The following PTPRR variants were observed in gnomAD, a reference collection of about 807,000 sequenced individuals.
PTPRR encodes protein tyrosine phosphatase receptor type R.
Under a neutral mutation model 77.2 loss-of-function variants are expected in PTPRR, and 38 were observed. The observed-to-expected ratio is 0.49, with a 90% confidence interval of 0.38 to 0.65. PTPRR has a LOEUF of 0.65. PTPRR is among the 30% of genes least tolerant of loss of function. PTPRR has a pLI of 0.00. For synonymous variants in PTPRR, 299 were observed against 283.1 expected, an observed-to-expected ratio of 1.06 and a Z score of -0.57; for missense variants, 744 against 799.2, an observed-to-expected ratio of 0.93 and a Z score of 0.83.
chr12:70,843,720 A>C (rs933831781), intron 2 of PTPRR, among the ~76,000 whole-genome samples: 5 of 152,136 alleles, frequency 3.3e-5, no homozygotes, highest in African/African-American at 1.2e-4. Context: ...TAGAATGACT[A>C]ATATGATTAC....
intron 2 of PTPRR, among the ~76,000 whole-genome samples, chr12:70,827,488 AG>A (rs1892131241): frequency 6.6e-6 from 1 of 151,852 alleles, no homozygotes; most frequent in African/African-American, 2.4e-5. Context: ...GTCCTCACAC[AG>A]TGGAGGGGGT....
chr12:70,825,127 A>G (rs1892086823), intron 2 of PTPRR, among the ~76,000 whole-genome samples: 2 of 152,014 alleles, frequency 1.3e-5, no homozygotes, highest in Non-Finnish European at 2.9e-5. Context: ...TACTAAAAAT[A>G]CAAAAATTAG....
intron 13 of PTPRR, among the ~76,000 whole-genome samples, chr12:70,643,573 T>C (rs7970867): frequency 0.039 from 5,881 of 152,186 alleles, 397 homozygotes; most frequent in African/African-American, 0.13. Flanking sequence ...AATAAATGTA[T>C]AAAGCTTGGT....
At chr12:70,670,473 C>A in intron 10 of PTPRR, among the ~76,000 whole-genome samples, 1 of 152,128 alleles carries the variant, frequency 6.6e-6, no homozygotes, top group East Asian at 1.9e-4. Flanking sequence ...AATAGTAAAA[C>A]CTACTTTGTA....
At chr12:70,782,395 T>C (rs1156375615) in intron 2 of PTPRR, among the ~76,000 whole-genome samples, 1 of 152,170 alleles carries the variant, frequency 6.6e-6, no homozygotes, top group Non-Finnish European at 1.5e-5. Flanking sequence ...CACACGTATG[T>C]TTATTGTGGC....
intron 2 of PTPRR, among the ~76,000 whole-genome samples, chr12:70,824,547 C>T (rs1892076587): frequency 6.6e-6 from 1 of 152,190 alleles, no homozygotes; most frequent in Non-Finnish European, 1.5e-5. Flanking sequence ...ATCCCACCTA[C>T]ATTTCAGCCT....
intron 2 of PTPRR, among the ~76,000 whole-genome samples, chr12:70,884,472 A>G (rs1893202389): frequency 6.6e-6 from 1 of 152,232 alleles, no homozygotes; most frequent in South Asian, 2.1e-4. Flanking sequence ...GCAATTTTAG[A>G]GAGAACTGAA....
At chr12:70,647,603 C>G (rs1291347265) in intron 13 of PTPRR, among the ~76,000 whole-genome samples, 1 of 152,184 alleles carries the variant, frequency 6.6e-6, no homozygotes, top group Non-Finnish European at 1.5e-5. Flanking sequence ...GTTGGCTTAG[C>G]TTTATAGCAA....
intron 6 of PTPRR, among the ~76,000 whole-genome samples, chr12:70,713,829 T>C (rs534180544): frequency 6.5e-4 from 99 of 152,300 alleles, no homozygotes; most frequent in African/African-American, 2.3e-3. Flanking sequence ...TTCTATGAAT[T>C]GTCTTTTCAC....
chr12:70,864,868 G>C (rs1294081023), intron 2 of PTPRR, among the ~76,000 whole-genome samples: 1 of 152,172 alleles, frequency 6.6e-6, no homozygotes, highest in Non-Finnish European at 1.5e-5. Context: ...CTAGAGTACA[G>C]TGGTGGGATC....
intron 2 of PTPRR, among the ~76,000 whole-genome samples, chr12:70,833,837 T>A (rs550531623): frequency 6.6e-6 from 1 of 152,074 alleles, no homozygotes; most frequent in Non-Finnish European, 1.5e-5. Context: ...GAACTTCAAG[T>A]TTTTCTGGGC....
intron 6 of PTPRR, among the ~76,000 whole-genome samples, chr12:70,715,015 G>A (rs898712447): frequency 2.8e-5 from 4 of 141,442 alleles, no homozygotes; most frequent in Admixed American, 2.2e-4. Context: ...TATTGAGTAT[G>A]CCAAAATAAT....
intron 2 of PTPRR, among the ~76,000 whole-genome samples, chr12:70,837,915 T>C (rs1892332456): frequency 6.6e-6 from 1 of 152,102 alleles, no homozygotes; most frequent in Non-Finnish European, 1.5e-5. Flanking sequence ...CTCATTAGCA[T>C]ACAAAAGATA....
chr12:70,867,355 A>G (rs1174153165), intron 2 of PTPRR, among the ~76,000 whole-genome samples: 1 of 151,448 alleles, frequency 6.6e-6, no homozygotes, highest in African/African-American at 2.4e-5. Flanking sequence ...CAGGATACAA[A>G]ATCAATGTAC....
At chr12:70,884,490 A>G (rs1329846886) in intron 2 of PTPRR, among the ~76,000 whole-genome samples, 1 of 152,198 alleles carries the variant, frequency 6.6e-6, no homozygotes, top group Non-Finnish European at 1.5e-5. Context: ...GAAAGCTCCA[A>G]GTAAATATTT....
At chr12:70,804,380 AC>A (rs1298735074) in intron 2 of PTPRR, among the ~76,000 whole-genome samples, 3 of 151,870 alleles carry the variant, frequency 2.0e-5, no homozygotes, top group African/African-American at 7.3e-5. Flanking sequence ...ACATGGCAAA[AC>A]CCTGTCTCTA....
chr12:70,661,222 A>G (rs575927370), intron 11 of PTPRR, 125 bp from the exon 12 acceptor site: 1 of 1,273,332 alleles, frequency 7.9e-7, no homozygotes, highest in African/African-American at 1.5e-5. Context: ...GTGGGAAAAA[A>G]ATTTAGAAGA....
chr12:70,905,078 A>G (rs1893600871), intron 1 of PTPRR, among the ~76,000 whole-genome samples: 1 of 141,078 alleles, frequency 7.1e-6, no homozygotes, highest in Non-Finnish European at 1.5e-5. Context: ...GAACTCCCCC[A>G]GAAGATAGGA....
intron 13 of PTPRR, among the ~76,000 whole-genome samples, chr12:70,646,004 G>C (rs562627227): frequency 1.3e-5 from 2 of 152,126 alleles, no homozygotes; most frequent in Non-Finnish European, 2.9e-5. Context: ...GCCCGTATCC[G>C]GTCTAATCAG....
Sources: gnomAD v4.1 joint callset for allele counts (sites outside exome capture counted in the v4.1 genomes callset) on GRCh38, gnomAD v4.1.1 for gene constraint, MANE v1.5 for transcripts, NCBI Gene and HGNC (gene_info 2026-07-23, HGNC 2026-07-21) for gene names.